ITGA5: variants seen among roughly 807,000 people sequenced by gnomAD.
ITGA5 encodes the protein integrin alpha-5.
Under a neutral mutation model 146.3 loss-of-function variants are expected in ITGA5, and 55 were observed. That is an observed-to-expected ratio of 0.38 (90% CI 0.30 to 0.47). The LOEUF (loss-of-function observed/expected upper bound fraction) is 0.47. ITGA5 is among the 20% of genes least tolerant of loss of function. ITGA5 has a pLI of 0.99. For missense variants in ITGA5, 1,131 were observed against 1,329.0 expected (o/e 0.85, Z 2.32); for synonymous variants, 500 against 531.8 (o/e 0.94, Z 0.82).
rs773318883 is a variant in ITGA5, at chr12:54,398,616, A to T, written c.2924T>A (p.Leu975Gln). Residue 975 changes from leucine to glutamine, a missense_variant, in exon 28 of 30, where the codon CTG becomes CAG. Physicochemically the swap from Leu to Gln is moderately radical, Grantham distance 113. Coordinates refer to ENST00000293379, the MANE Select transcript of ITGA5 (RefSeq NM_002205.5). ...KMPYRILPRQ[L>Q]PQKERQVATA... ...ACTCACCTGACGCTCTTTTTGGGGC[A>T]GCTGCCGAGGCAGGATTCGGTAGGG... 2.5e-6 allele frequency: 4 copies of T among 1,611,372 alleles called. No individual in the cohort carries two copies. Among genetic ancestry groups the T allele is most frequent in the Non-Finnish European group, 3.4e-6 (4 of 1,178,892 alleles).
chr12:54,400,285 G>A (rs765685822), intron 25 of ITGA5: 7 of 276,722 alleles, frequency 2.5e-5, no homozygotes, highest in Admixed American at 4.8e-5. Context: ...CAGCTGTGAC[G>A]TCTTCAAGAG....
At chr12:54,400,355 A>G (rs1955771546) in intron 25 of ITGA5, 1 of 202,714 alleles carries the variant, frequency 4.9e-6, no homozygotes, top group Non-Finnish European at 1.0e-5. Context: ...TCACTTCATC[A>G]CCTTTCAATC....
At chr12:54,405,404 G>A (rs1012917434) in intron 11 of ITGA5, 30 bp from the exon 12 acceptor site, 2 of 1,539,122 alleles carry the variant, frequency 1.3e-6, no homozygotes, top group Admixed American at 1.8e-5. Context: ...CAGGCATCTC[G>A]ATACCCTGTC....
chr12:54,400,823 C>A, intron 25 of ITGA5, 23 bp downstream of exon 25: 1 of 1,610,294 alleles, frequency 6.2e-7, no homozygotes, highest in South Asian at 1.1e-5. Flanking sequence ...TCCTCTTCCC[C>A]ATGCCAGTGT....
At chr12:54,402,956 C>T (rs763236345) in intron 19 of ITGA5, 27 bp downstream of exon 19, 2 of 1,607,622 alleles carry the variant, frequency 1.2e-6, no homozygotes, top group Non-Finnish European at 1.7e-6. Flanking sequence ...ACCTGGAGCT[C>T]CCTAGCTTAC....
At position 54,398,625 on chromosome 12, in the gene ITGA5, G is replaced by T. The variant is rs1250095026; in HGVS notation, c.2915C>A (p.Pro972His). The T allele has an allele frequency of 6.2e-7, 1 of 1,610,928 alleles. No homozygotes were observed. The highest frequency in any genetic ancestry group is 8.5e-7 in the Non-Finnish European group (1 of 1,178,868). ...ACGCTCTTTTTGGGGCAGCTGCCGA[G>T]GCAGGATTCGGTAGGGCATCTTCAG... ...KALKMPYRILPRQLPQKERQV... is the reference protein window; with the variant it reads ...KALKMPYRILHRQLPQKERQV... The change falls in exon 28 of 30, where the codon CCT becomes CAT. Residue 972 changes from proline (P) to histidine (H), a missense_variant. Pro to His is a moderately conservative substitution (Grantham distance 77). Around this residue, in one of 3 missense-constraint regions of ITGA5, gnomAD observed 889 missense variants for 1,021.5 expected, o/e 0.87. Transcript: ENST00000293379.
chr12:54,411,964 C>T lies in ITGA5; in HGVS notation c.219G>A (p.Gly73=). 1.9e-6 allele frequency: 3 copies of T among 1,579,728 alleles called. No homozygotes were observed. Among genetic ancestry groups the T allele is most frequent in the Middle Eastern group, 1.7e-4 (1 of 5,910 alleles). ...TGGGTGCTCCCACCAGCACACTGACCCTGTGGGGGGGAAAAGCGAGGCAGT... is the reference window on the plus strand; with the variant it reads ...TGGGTGCTCCCACCAGCACACTGACTCTGTGGGGGGGAAAAGCGAGGCAGT... ...SVEFYRPGTD[G]VSVLVGAPKA... The change falls in exon 2 of 30, where the codon GGG becomes GGA. Residue 73 remains glycine, a splice_region_variant and synonymous_variant. Transcript: ENST00000293379.
rs896719751 is a variant in ITGA5, at chr12:54,408,645, G to GAAC, written c.691+108_691+110dup. ...GGAGGCTGAGGCAGGAGAATCGCTT[G>GAAC]AACCTGGGCAGCAGAGGTTGTGCCA... is the stretch of plus-strand genomic sequence containing the variant. On this transcript the variant is annotated intron_variant, in intron 6 of 29. Transcript: ENST00000293379. 3.1e-6 allele frequency: 3 copies of GAAC among 979,766 alleles called. No homozygotes were observed. The African/African-American group carries it at 5.2e-5, about 17-fold the overall frequency. The allele number at this position is 979,766 out of a possible 1,614,324, so 60.7% of individuals were successfully genotyped here. A position where few individuals can be genotyped will look rare whatever the true frequency, so the allele number is the denominator to read the frequency against.
At position 54,398,597 on chromosome 12, in the gene ITGA5, C is replaced by G. The variant is rs1363132970; in HGVS notation, c.2943G>C (p.Gln981His). 2 of 1,610,054 alleles carry G rather than the reference C, an allele frequency of 1.2e-6. No homozygotes were observed. Among genetic ancestry groups the G allele is most frequent in the East Asian group, 2.2e-5 (1 of 44,666 alleles). The change falls in exon 28 of 30, where the codon CAG (glutamine) becomes CAC (histidine). Residue 981 changes from glutamine to histidine, a missense_variant and splice_region_variant. This residue lies in a region of ITGA5 where 889 missense variants were observed against 1,021.5 expected (regional missense o/e 0.87). Coordinates refer to ENST00000293379, the MANE Select transcript of ITGA5 (RefSeq NM_002205.5). ...LPRQLPQKER[Q>H]VATAVQWTKA... ...TCCAGTCCTCTGGCCCTAGACTCACCTGACGCTCTTTTTGGGGCAGCTGCC... is the reference window on the plus strand; with the variant it reads ...TCCAGTCCTCTGGCCCTAGACTCACGTGACGCTCTTTTTGGGGCAGCTGCC...
chr12:54,405,665 C>T lies in ITGA5; in HGVS notation c.1015G>A (p.Gly339Arg), dbSNP rs141341610. 3.0e-4 allele frequency: 477 copies of T among 1,613,066 alleles called. 3 individuals carry two copies. The African/African-American group carries it at 5.5e-3, about 18-fold the overall frequency. Residue 339 changes from glycine (G) to arginine (R), a missense_variant and splice_region_variant, in exon 11 of 30, where the codon GGG (glycine) becomes AGG (arginine). Physicochemically the swap from Gly to Arg is moderately radical, Grantham distance 125 (BLOSUM62 -2). Around this residue, in one of 3 missense-constraint regions of ITGA5, gnomAD observed 889 missense variants for 1,021.5 expected, o/e 0.87. Transcript: ENST00000293379. ...GTGCGCTCATTTCCCACCACTCACC[C>T]GTCCCCATTGACGTCTGTGGCGGCC... Reference protein sequence around the residue: ...AVAATDVNGDGLDDLLVGAPL... With the variant: ...AVAATDVNGDRLDDLLVGAPL...
chr12:54,401,627 A>G lies in ITGA5; in HGVS notation c.2345T>C (p.Phe782Ser), dbSNP rs1955785165. The change falls in exon 23 of 30, where the codon TTT becomes TCT. Residue 782 changes from phenylalanine (F) to serine (S), a missense_variant. Phe to Ser is a radical substitution (Grantham distance 155). Around this residue, in one of 3 missense-constraint regions of ITGA5, gnomAD observed 889 missense variants for 1,021.5 expected, o/e 0.87. Coordinates refer to ENST00000293379, the MANE Select transcript of ITGA5 (RefSeq NM_002205.5). The surrounding 1 kb of genome is among the most constrained non-coding windows in gnomAD (Gnocchi z 5.0). ...GGCCTGAGCCTCCACGGAGAGCCGA[A>G]AGGAAACCACGTCGCTTTGCGAGTT... ...LNNSQSDVVS[F>S]RLSVEAQAQV... 1 of 1,614,046 alleles carries G rather than the reference A, an allele frequency of 6.2e-7. No individual in the cohort carries two copies. The highest frequency in any genetic ancestry group is 8.5e-7 in the Non-Finnish European group (1 of 1,180,052).
chr12:54,402,157 C>T, intron 20 of ITGA5, 23 bp downstream of exon 20: 1 of 1,613,282 alleles, frequency 6.2e-7, no homozygotes, highest in African/African-American at 1.3e-5. Context: ...CCTCCCAAAT[C>T]CCACTCGAGA....
intron 29 of ITGA5, among the ~76,000 whole-genome samples, chr12:54,396,941 C>A (rs1565636862): frequency 3.3e-5 from 5 of 152,164 alleles, no homozygotes; most frequent in Admixed American, 1.3e-4. Context: ...CCACCCTGGC[C>A]TCCCAAAATG....
chr12:54,401,853 C>G lies in ITGA5; in HGVS notation c.2229G>C (p.Leu743=), dbSNP rs1246287008. The G allele has an allele frequency of 1.2e-6, 2 of 1,613,940 alleles. No individual in the cohort carries two copies. The highest frequency in any genetic ancestry group is 1.7e-6 in the Non-Finnish European group (2 of 1,179,910). ...GGACTGTAAACCGAAGGCCACCCCACAGCTGGGGACAGAAAAAGAGGAAAA... is the reference window on the plus strand; with the variant it reads ...GGACTGTAAACCGAAGGCCACCCCAGAGCTGGGGACAGAAAAAGAGGAAAA... ...LGNPMKAGAS[L]WGGLRFTVPH... The change falls in exon 22 of 30, where the codon CTG becomes CTC. Residue 743 remains leucine (L), a splice_region_variant and synonymous_variant. Transcript: ENST00000293379. This position sits in a 1 kb window ranked among gnomAD's most constrained non-coding sequence, Gnocchi z 5.0.
At position 54,403,170 on chromosome 12, in the gene ITGA5, C is replaced by G. The variant is rs376636393; in HGVS notation, c.1914+17G>C. ...GCCTCTGTCTTCCCAGGTCCCTTCT[C>G]CCTGCCCTGTCCTCACCTTGTCCTC... On this transcript the variant is annotated intron_variant, in intron 18 of 29. Coordinates refer to ENST00000293379, the MANE Select transcript of ITGA5 (RefSeq NM_002205.5). The surrounding 1 kb of genome is among the most constrained non-coding windows in gnomAD (Gnocchi z 4.9). 18 of 1,574,248 alleles carry G rather than the reference C, an allele frequency of 1.1e-5. No homozygotes were observed. Among genetic ancestry groups the G allele is most frequent in the Non-Finnish European group, 1.4e-5 (16 of 1,161,296 alleles).
intron 1 of ITGA5, chr12:54,413,351 G>C (rs1297465989): frequency 6.6e-6 from 1 of 152,630 alleles, no homozygotes; most frequent in Non-Finnish European, 1.5e-5. Context: ...GGCCAGTGGT[G>C]AGAATGGAGG....
rs113838268 is a variant in ITGA5, at chr12:54,414,832, C to T, written c.219-2868G>A. Among the ~76,000 whole-genome samples, 767 of 144,972 alleles carry T rather than the reference C, an allele frequency of 5.3e-3. 35 individuals are homozygous for T. Among genetic ancestry groups the T allele is most frequent in the African/African-American group, 0.019 (723 of 37,990 alleles). Reference sequence around the variant, plus strand: ...ACTACACTCCAGTCCAGAGACAGAGCGAGACTCCTTCTCAACAACAACAAC... The same window carrying T: ...ACTACACTCCAGTCCAGAGACAGAGTGAGACTCCTTCTCAACAACAACAAC... On this transcript the variant is annotated intron_variant, in intron 1 of 29. Coordinates refer to ENST00000293379, the MANE Select transcript of ITGA5 (RefSeq NM_002205.5).
Position 54,403,854 on chromosome 12 carries a change from C to G in ITGA5, c.1621+57G>C, listed in dbSNP as rs1294445357. On this transcript the variant is annotated intron_variant, in intron 16 of 29. Coordinates refer to ENST00000293379, the MANE Select transcript of ITGA5 (RefSeq NM_002205.5). The surrounding 1 kb of genome is among the most constrained non-coding windows in gnomAD (Gnocchi z 4.9). ...TCAGAGAGAAGAAATGTCCCCAGGTCCCCAGTCCCTTCATTCTCTGTCCTA... is the reference window on the plus strand; with the variant it reads ...TCAGAGAGAAGAAATGTCCCCAGGTGCCCAGTCCCTTCATTCTCTGTCCTA... 43 of 1,610,534 alleles carry G rather than the reference C, an allele frequency of 2.7e-5. No individual in the cohort carries two copies. The highest frequency in any genetic ancestry group is 3.5e-5 in the Non-Finnish European group (41 of 1,177,052).
intron 28 of ITGA5, among the ~76,000 whole-genome samples, chr12:54,397,895 C>G (rs977852532): frequency 5.3e-5 from 8 of 151,242 alleles, no homozygotes; most frequent in Non-Finnish European, 1.2e-4. Flanking sequence ...GCTTTCATAT[C>G]ATATCCATTT....
Sources: gnomAD v4.1 joint callset for allele counts (sites outside exome capture counted in the v4.1 genomes callset) on GRCh38, gnomAD v4.1.1 for gene constraint, gnomAD v4.1.1 regional missense constraint, Gnocchi (gnomAD v3.1) non-coding constraint, MANE v1.5 for transcripts, NCBI Gene and HGNC (gene_info 2026-07-23, HGNC 2026-07-21) for gene names.